Variants in IL1RAPL2 observed in about 807,000 individuals in gnomAD.
IL1RAPL2 encodes X-linked interleukin-1 receptor accessory protein-like 2.
In IL1RAPL2, 3 loss-of-function variants were observed where a neutral mutation model predicts 44.1. That is an observed-to-expected ratio of 0.07 (90% CI 0.03 to 0.18). IL1RAPL2 has a LOEUF of 0.18. Ranked by LOEUF, IL1RAPL2 falls within the 10% of genes least tolerant of loss-of-function variation. The pLI, the probability that IL1RAPL2 is intolerant of heterozygous loss-of-function variation, is 1.00. For synonymous variants in IL1RAPL2, 181 were observed against 178.8 expected, an observed-to-expected ratio of 1.01 and a Z score of -0.10; for missense variants, 391 against 496.4, an observed-to-expected ratio of 0.79 and a Z score of 2.02.
intron 6 of IL1RAPL2, among the ~76,000 whole-genome samples, chrX:105,550,020 GAT>G (rs2036838883): frequency 8.9e-6 from 1 of 112,271 alleles, no homozygotes; most frequent in Non-Finnish European, 1.9e-5. Context: ...TTTATACTGA[GAT>G]ATATTTATAT....
chrX:105,320,959 T>A (rs2034893075), intron 5 of IL1RAPL2, among the ~76,000 whole-genome samples: 1 of 111,340 alleles, frequency 9.0e-6, no homozygotes, highest in Admixed American at 9.6e-5. Context: ...AGTCTCTGAC[T>A]GGGTAATGTA....
At chrX:104,980,108 T>C (rs1168217787) in intron 2 of IL1RAPL2, among the ~76,000 whole-genome samples, 1 of 111,594 alleles carries the variant, frequency 9.0e-6, no homozygotes, top group East Asian at 2.8e-4. Context: ...AAGTAAAATA[T>C]GACACATTCA....
chrX:104,889,993 C>G (rs901370604), intron 2 of IL1RAPL2, among the ~76,000 whole-genome samples: 1 of 110,854 alleles, frequency 9.0e-6, no homozygotes, highest in South Asian at 3.9e-4. Flanking sequence ...TGTTCCCCTT[C>G]CTGTGTCCAA....
chrX:105,550,394 G>A (rs1301868117), intron 6 of IL1RAPL2, among the ~76,000 whole-genome samples: 1 of 112,133 alleles, frequency 8.9e-6, no homozygotes, highest in Admixed American at 9.4e-5. Context: ...AAAAAGGGAT[G>A]GAATTGAACA....
chrX:105,760,487 G>A (rs2147595431), intron 10 of IL1RAPL2, among the ~76,000 whole-genome samples: 1 of 111,982 alleles, frequency 8.9e-6, no homozygotes, highest in African/African-American at 3.2e-5. Context: ...TTCTCTAAAT[G>A]TGTCCCATTC....
chrX:104,847,539 T>C (rs1157324786), intron 2 of IL1RAPL2, among the ~76,000 whole-genome samples: 1 of 111,557 alleles, frequency 9.0e-6, no homozygotes, highest in Non-Finnish European at 1.9e-5. Context: ...TCTGTTCTGT[T>C]CCACTCGTCT....
At chrX:105,107,555 A>G (rs2032756283) in intron 2 of IL1RAPL2, among the ~76,000 whole-genome samples, 1 of 112,082 alleles carries the variant, frequency 8.9e-6, no homozygotes, top group Non-Finnish European at 1.9e-5. Flanking sequence ...TGTGATTAAC[A>G]TAGCTTTCTC....
chrX:105,034,461 AG>A (rs1357819386), intron 2 of IL1RAPL2, among the ~76,000 whole-genome samples: 1 of 112,355 alleles, frequency 8.9e-6, no homozygotes. Context: ...CCTCAGCTGC[AG>A]GTCTGTTGGA....
intron 2 of IL1RAPL2, among the ~76,000 whole-genome samples, chrX:105,182,708 T>G (rs782078015): frequency 4.1e-4 from 46 of 112,192 alleles, no homozygotes; most frequent in African/African-American, 1.4e-3. Flanking sequence ...CTTGGTCTTT[T>G]GTTTCTCTCT....
intron 5 of IL1RAPL2, among the ~76,000 whole-genome samples, chrX:105,334,330 C>T (rs1200599701): frequency 1.8e-5 from 2 of 111,089 alleles, no homozygotes; most frequent in African/African-American, 6.5e-5. Context: ...AATTCATGGA[C>T]ATAGAGAGTA....
intron 2 of IL1RAPL2, among the ~76,000 whole-genome samples, chrX:104,675,952 G>T (rs1011064544): frequency 1.9e-4 from 20 of 104,544 alleles, no homozygotes; most frequent in African/African-American, 6.2e-4. Flanking sequence ...CATTTGCTTG[G>T]TAGATCTTCC....
chrX:104,585,378 A>T (rs866150209), intron 1 of IL1RAPL2, among the ~76,000 whole-genome samples: 52 of 23,208 alleles, frequency 2.2e-3, no homozygotes, highest in East Asian at 0.01. Flanking sequence ...TATTATATAT[A>T]ATATATATTA....
At chrX:104,796,242 G>T (rs1179476472) in intron 2 of IL1RAPL2, among the ~76,000 whole-genome samples, 1 of 112,170 alleles carries the variant, frequency 8.9e-6, no homozygotes, top group Non-Finnish European at 1.9e-5. Flanking sequence ...CATAAAAATG[G>T]GGTGTTTTAA....
At chrX:105,012,156 C>T (rs756933327) in intron 2 of IL1RAPL2, among the ~76,000 whole-genome samples, 17 of 110,998 alleles carry the variant, frequency 1.5e-4, no homozygotes, top group Non-Finnish European at 3.2e-4. Context: ...ATCTGAATGT[C>T]AATAGGACAT....
At chrX:104,634,549 T>G (rs1254244670) in intron 1 of IL1RAPL2, among the ~76,000 whole-genome samples, 1 of 112,067 alleles carries the variant, frequency 8.9e-6, no homozygotes, top group Non-Finnish European at 1.9e-5. Flanking sequence ...GCATATATAT[T>G]TAGGATAGTT....
At chrX:105,484,537 G>A (rs1010614653) in intron 6 of IL1RAPL2, 150 bp downstream of exon 6, 4 of 460,740 alleles carry the variant, frequency 8.7e-6, no homozygotes, top group Admixed American at 3.4e-5. Flanking sequence ...AGTTCAGTGC[G>A]ATAGCAGTTT....
chrX:104,640,129 T>C (rs1253407587), intron 1 of IL1RAPL2, among the ~76,000 whole-genome samples: 1 of 111,872 alleles, frequency 8.9e-6, no homozygotes, highest in East Asian at 2.8e-4. Context: ...AACATTTGGT[T>C]GCTTTGTTGT....
intron 1 of IL1RAPL2, among the ~76,000 whole-genome samples, chrX:104,643,391 T>A (rs1929972555): frequency 8.9e-6 from 1 of 111,864 alleles, no homozygotes; most frequent in African/African-American, 3.3e-5. Context: ...AGACCTACTG[T>A]TCATTTATTG....
At chrX:105,523,694 G>C (rs2036575643) in intron 6 of IL1RAPL2, among the ~76,000 whole-genome samples, 1 of 110,904 alleles carries the variant, frequency 9.0e-6, no homozygotes, top group African/African-American at 3.3e-5. Context: ...GTCCACCACT[G>C]ATGCATAAGA....
Sources: allele counts gnomAD v4.1 joint callset (sites outside exome capture counted in the v4.1 genomes callset), GRCh38; gene constraint gnomAD v4.1.1; transcripts MANE v1.5; gene names NCBI Gene and HGNC (gene_info 2026-07-23, HGNC 2026-07-21).